Variants in OR2L13 observed in about 807,000 individuals in gnomAD.
OR2L13 encodes olfactory receptor family 2 subfamily L member 13, also known as olfactory receptor 2L13.
A neutral mutation model predicts 15.3 loss-of-function variants in OR2L13; 14 were observed. That is an observed-to-expected ratio of 0.91 (90% CI 0.60 to 1.43). The LOEUF (loss-of-function observed/expected upper bound fraction) is 1.43, where lower values mean the gene tolerates loss of function less well. Among genes scored for constraint, OR2L13 ranks in the 40% most tolerant of loss-of-function variants. OR2L13 has a pLI of 0.00. For missense variants in OR2L13, 367 were observed against 387.9 expected (o/e 0.95, Z 0.45); for synonymous variants, 152 against 142.9 (o/e 1.06, Z -0.45).
chr1:247,939,652 C>G, the OR2L13 span: 1 of 152,188 alleles, frequency 6.6e-6, no homozygotes, highest in East Asian at 1.9e-4. Context: ...TGTATTCCCT[C>G]TATTTCCACA....
chr1:248,028,595 T>C, the OR2L13 span, among the ~76,000 whole-genome samples: 1 of 152,220 alleles, frequency 6.6e-6, no homozygotes, highest in African/African-American at 2.4e-5. Flanking sequence ...TCTAATCTCT[T>C]CTTTCAGAAT....
chr1:248,060,993 G>T, the OR2L13 span: 2 of 1,613,918 alleles, frequency 1.2e-6, no homozygotes, highest in Non-Finnish European at 1.7e-6. Context: ...TCTTCTTCTC[G>T]GCATTAGGAG....
the OR2L13 span, among the ~76,000 whole-genome samples, chr1:248,043,230 C>A: frequency 6.6e-6 from 1 of 152,128 alleles, no homozygotes; most frequent in African/African-American, 2.4e-5. Flanking sequence ...TATACAATAG[C>A]CATAGCTGAA....
At chr1:248,089,161 C>A in the OR2L13 span, among the ~76,000 whole-genome samples, 1 of 151,958 alleles carries the variant, frequency 6.6e-6, no homozygotes, top group Admixed American at 6.6e-5. Context: ...CTGGCTGGAA[C>A]GAAGCATGGA....
the OR2L13 span, chr1:247,949,400 A>G: frequency 3.7e-6 from 6 of 1,614,204 alleles, no homozygotes; most frequent in Non-Finnish European, 5.1e-6. Flanking sequence ...GTGATGTCCC[A>G]GCAATGGTGA....
chr1:247,977,357 A>G, the OR2L13 span, among the ~76,000 whole-genome samples: 2 of 152,306 alleles, frequency 1.3e-5, no homozygotes, highest in Non-Finnish European at 2.9e-5. Context: ...AATCTTTTCT[A>G]TATTAAATCT....
At chr1:248,046,510 GTTTC>G in the OR2L13 span, among the ~76,000 whole-genome samples, 1 of 152,096 alleles carries the variant, frequency 6.6e-6, no homozygotes, top group African/African-American at 2.4e-5. Flanking sequence ...AAATATATTT[GTTTC>G]TTTCTCCACT....
chr1:248,077,254 C>T, the OR2L13 span, among the ~76,000 whole-genome samples: 2 of 152,126 alleles, frequency 1.3e-5, no homozygotes, highest in African/African-American at 4.8e-5. Flanking sequence ...CAGTATTTTA[C>T]TGAGGATTTT....
At chr1:248,084,316 C>A in the OR2L13 span, 2 of 1,612,290 alleles carry the variant, frequency 1.2e-6, no homozygotes, top group Non-Finnish European at 1.7e-6. Flanking sequence ...ACACCACAGC[C>A]AGCGCGGGAG....
At chr1:248,021,847 T>C in the OR2L13 span, 28 of 845,412 alleles carry the variant, frequency 3.3e-5, no homozygotes, top group Admixed American at 4.8e-5. Flanking sequence ...ATTTCAGGCA[T>C]TCACTGGAGG....
At chr1:247,991,156 A>G in the OR2L13 span, 1 of 1,606,338 alleles carries the variant, frequency 6.2e-7, no homozygotes, top group South Asian at 1.1e-5. Context: ...CAAGGAGGTG[A>G]TGGGGGCCCT....
At chr1:248,061,153 C>T in the OR2L13 span, 3,221 of 1,613,160 alleles carry the variant, frequency 2.0e-3, 60 homozygotes, top group African/African-American at 0.038. Flanking sequence ...TGCTTGTGCT[C>T]ACACTGTATA....
At chr1:247,956,082 A>G in the OR2L13 span, among the ~76,000 whole-genome samples, 1 of 144,508 alleles carries the variant, frequency 6.9e-6, no homozygotes, top group Non-Finnish European at 1.5e-5. Flanking sequence ...TTTAGGTCTA[A>G]CATTTAAGTC....
chr1:248,029,078 T>G, the OR2L13 span: 17 of 152,230 alleles, frequency 1.1e-4, no homozygotes, highest in Admixed American at 1.1e-3. Flanking sequence ...CTACCCCGAC[T>G]GGATCATTAT....
chr1:247,999,562 C>T, the OR2L13 span, among the ~76,000 whole-genome samples: 2 of 152,158 alleles, frequency 1.3e-5, no homozygotes, highest in Admixed American at 6.5e-5. Context: ...ATTCCTATGT[C>T]AGTTACCTAC....
the OR2L13 span, among the ~76,000 whole-genome samples, chr1:247,980,702 C>A: frequency 5.3e-5 from 8 of 152,230 alleles, no homozygotes; most frequent in African/African-American, 1.9e-4. Flanking sequence ...TGAATCCTAG[C>A]AAAACAGTCA....
the OR2L13 span, among the ~76,000 whole-genome samples, chr1:247,983,730 G>C: frequency 6.6e-6 from 1 of 152,190 alleles, no homozygotes. Context: ...GTGTTCAAGA[G>C]ATATTGTAAC....
the OR2L13 span, among the ~76,000 whole-genome samples, chr1:248,055,474 G>A: frequency 6.6e-6 from 1 of 152,086 alleles, no homozygotes; most frequent in Non-Finnish European, 1.5e-5. Flanking sequence ...AGTTAGTGTG[G>A]GCTGGGCATG....
At chr1:247,998,373 A>G in the OR2L13 span, among the ~76,000 whole-genome samples, 1 of 152,060 alleles carries the variant, frequency 6.6e-6, no homozygotes, top group Non-Finnish European at 1.5e-5. Context: ...AGTGAAATTA[A>G]CCCACATTCA....
Sources: allele counts gnomAD v4.1 joint callset (sites outside exome capture counted in the v4.1 genomes callset), GRCh38; gene constraint gnomAD v4.1.1; transcripts MANE v1.5; gene names NCBI Gene and HGNC (gene_info 2026-07-23, HGNC 2026-07-21).